Variants in CUX1 observed in about 807,000 individuals in gnomAD.
The protein encoded by CUX1 is protein CASP.
In CUX1, 31 loss-of-function variants were observed where a neutral mutation model predicts 158.8. That is an observed-to-expected ratio of 0.20 (90% CI 0.15 to 0.26). The LOEUF is 0.26. CUX1 is among the 10% of genes least tolerant of loss of function. The pLI is 1.00. For missense variants in CUX1, 1,589 were observed against 2,014.6 expected (o/e 0.79, Z 4.04); for synonymous variants, 879 against 862.1 (o/e 1.02, Z -0.34).
intron 3 of CUX1, among the ~76,000 whole-genome samples, chr7:102,059,789 G>T (rs528105433): frequency 2.6e-5 from 4 of 152,094 alleles, no homozygotes; most frequent in Admixed American, 2.6e-4. Context: ...GCCAGACTTC[G>T]AGTGAGACAA....
intron 1 of CUX1, among the ~76,000 whole-genome samples, chr7:101,854,458 C>T (rs1390837507): frequency 6.6e-6 from 1 of 152,016 alleles, no homozygotes; most frequent in Admixed American, 6.6e-5. Context: ...AATCCTGCCT[C>T]CATCATTTAG....
At chr7:102,072,675 G>A (rs548286684) in intron 4 of CUX1, among the ~76,000 whole-genome samples, 7 of 152,228 alleles carry the variant, frequency 4.6e-5, no homozygotes, top group East Asian at 1.9e-4. Flanking sequence ...TTTTTCCTTC[G>A]ATTTAGTTCT....
chr7:101,890,526 C>G (rs1800769821), intron 1 of CUX1, among the ~76,000 whole-genome samples: 1 of 151,990 alleles, frequency 6.6e-6, no homozygotes, highest in South Asian at 2.1e-4. Flanking sequence ...CAGCAAGGCC[C>G]GGCACCAGGT....
intron 2 of CUX1, among the ~76,000 whole-genome samples, chr7:102,006,335 G>A (rs981956153): frequency 2.0e-5 from 3 of 152,090 alleles, no homozygotes; most frequent in African/African-American, 4.8e-5. Context: ...GTGCTCCCTC[G>A]AAGGACAACT....
At chr7:102,070,471 G>C in intron 4 of CUX1, 54 bp downstream of exon 4, 1 of 1,437,386 alleles carries the variant, frequency 7.0e-7, no homozygotes, top group Admixed American at 2.1e-5. Flanking sequence ...CTGGTGAGTC[G>C]GTGGGTTTTT....
At chr7:101,852,623 ATAAAAAAATTT>A (rs1245482728) in intron 1 of CUX1, among the ~76,000 whole-genome samples, 4 of 151,368 alleles carry the variant, frequency 2.6e-5, no homozygotes, top group Non-Finnish European at 5.9e-5. Context: ...GTTGCAACAA[ATAAAAAAATTT>A]TAAAAAAGTT....
At chr7:102,205,371 A>G (rs1554520822) in intron 20 of CUX1, among the ~76,000 whole-genome samples, 1 of 151,704 alleles carries the variant, frequency 6.6e-6, no homozygotes, top group Non-Finnish European at 1.5e-5. Context: ...GCATGGAGGG[A>G]CTCTGCCAAG....
Position 101,829,397 on chromosome 7 carries a change from C to T in CUX1, c.30+11728C>T, listed in dbSNP as rs556471350. On this transcript the variant is annotated intron_variant, in intron 1 of 23. Coordinates refer to ENST00000292535, the MANE Select transcript of CUX1 (RefSeq NM_181552.4). ...TGGTTTCATGGGAACAGATGGCGGA[C>T]GGACACGGGCTTAGGCTCTTGGTTT... Among the ~76,000 whole-genome samples, 20 of 152,220 alleles carry T rather than the reference C, an allele frequency of 1.3e-4. No individual in the cohort carries two copies. In the South Asian group the frequency reaches 3.3e-3, roughly 25 times the overall value.
intron 9 of CUX1, among the ~76,000 whole-genome samples, chr7:102,170,078 C>T (rs1791540644): frequency 6.6e-6 from 1 of 152,138 alleles, no homozygotes; most frequent in East Asian, 1.9e-4. Context: ...AGAATTACTC[C>T]CAGGAGTAAT....
At chr7:102,101,849 T>A (rs1447198181) in intron 5 of CUX1, among the ~76,000 whole-genome samples, 1 of 151,444 alleles carries the variant, frequency 6.6e-6, no homozygotes, top group Non-Finnish European at 1.5e-5. Context: ...GAGGCAGAGG[T>A]TGCAGTGGGC....
Position 102,256,626 on chromosome 7 carries a change from A to G in CUX1, c.*7584A>G. 1 of 985,446 alleles carries G rather than the reference A, an allele frequency of 1.0e-6. No individual in the cohort carries two copies. Among genetic ancestry groups the G allele is most frequent in the African/African-American group, 1.7e-5 (1 of 57,356 alleles). 61.0% of individuals were successfully genotyped at this position (985,446 alleles called of 1,614,324 possible). On this transcript the variant is annotated 3_prime_UTR_variant, in exon 24 of 24. Coordinates refer to ENST00000292535, the MANE Select transcript of CUX1 (RefSeq NM_181552.4). ...AGAGTGTTTATGAACAAAAAAATTT[A>G]CCAACGTGTGAGGGAGTTGCTGAGT... is the stretch of plus-strand genomic sequence containing the variant.
intron 20 of CUX1, among the ~76,000 whole-genome samples, chr7:102,221,006 G>T (rs1384189859): frequency 6.6e-6 from 1 of 152,128 alleles, no homozygotes; most frequent in East Asian, 1.9e-4. Flanking sequence ...CACCGTGCCC[G>T]GCTCCCCTGC....
At chr7:101,873,698 C>T (rs1429846666) in intron 1 of CUX1, among the ~76,000 whole-genome samples, 1 of 152,200 alleles carries the variant, frequency 6.6e-6, no homozygotes, top group Non-Finnish European at 1.5e-5. Context: ...ATTCTCCTGC[C>T]TCAGCCTCCG....
At chr7:102,259,352 C>T (rs1014285932), downstream of CUX1, among the ~76,000 whole-genome samples, 2 of 152,134 alleles carry the variant, frequency 1.3e-5, no homozygotes, top group East Asian at 1.9e-4. Context: ...CTTTGGGAGG[C>T]CGAGGCCGGT....
intron 21 of CUX1, among the ~76,000 whole-genome samples, chr7:102,230,791 C>T (rs537138827): frequency 2.0e-5 from 3 of 152,304 alleles, no homozygotes; most frequent in Admixed American, 2.0e-4. Flanking sequence ...CACTTCATAG[C>T]TCGTCACACA....
At chr7:101,816,160 G>T, upstream of CUX1, 6 of 894,964 alleles carry the variant, frequency 6.7e-6, no homozygotes, top group Non-Finnish European at 8.2e-6. Context: ...GGCCTCCGCC[G>T]GGGGCCCCGG....
At chr7:102,144,061 CG>C (rs1426535758) in intron 8 of CUX1, among the ~76,000 whole-genome samples, 8 of 152,226 alleles carry the variant, frequency 5.3e-5, no homozygotes, top group Admixed American at 4.6e-4. Flanking sequence ...GGATTACAGG[CG>C]TGAGCCACTG....
chr7:101,835,706 A>C (rs1029043148), intron 1 of CUX1, among the ~76,000 whole-genome samples: 3 of 152,166 alleles, frequency 2.0e-5, no homozygotes, highest in Admixed American at 1.3e-4. Flanking sequence ...TGTGTTGCCA[A>C]CAGTCCAATT....
intron 2 of CUX1, among the ~76,000 whole-genome samples, chr7:101,979,337 G>A (rs757355670): frequency 1.4e-4 from 21 of 152,230 alleles, no homozygotes; most frequent in East Asian, 1.9e-4. Context: ...GGAATGAAGC[G>A]TGAATTCGGT....
Sources: allele counts gnomAD v4.1 joint callset (sites outside exome capture counted in the v4.1 genomes callset), GRCh38; gene constraint gnomAD v4.1.1; transcripts MANE v1.5; gene names NCBI Gene and HGNC (gene_info 2026-07-23, HGNC 2026-07-21).